Variants in IL1RAPL1 observed in about 807,000 individuals in gnomAD.
IL1RAPL1 encodes the protein interleukin 1 receptor accessory protein like 1, also known as interleukin-1 receptor accessory protein-like 1.
In IL1RAPL1, 3 loss-of-function variants were observed where a neutral mutation model predicts 48.4. The ratio of observed to expected loss-of-function variants is 0.06; its 90% CI spans 0.03 to 0.16. IL1RAPL1 has a LOEUF of 0.16. Ranked by LOEUF, IL1RAPL1 falls within the 10% of genes least tolerant of loss-of-function variation. The pLI, the probability that IL1RAPL1 is intolerant of heterozygous loss-of-function variation, is 1.00. For missense variants in IL1RAPL1, 349 were observed against 530.6 expected, an observed-to-expected ratio of 0.66 and a Z score of 3.36; for synonymous variants, 185 against 187.7, an observed-to-expected ratio of 0.99 and a Z score of 0.12.
At chrX:28,771,595 G>T (rs954135775) in intron 1 of IL1RAPL1, among the ~76,000 whole-genome samples, 1 of 111,830 alleles carries the variant, frequency 8.9e-6, no homozygotes, top group Non-Finnish European at 1.9e-5. Flanking sequence ...AGGAACAAAG[G>T]CAGAGCCTGC....
At chrX:28,743,726 A>G (rs184017818) in intron 1 of IL1RAPL1, among the ~76,000 whole-genome samples, 1 of 87,562 alleles carries the variant, frequency 1.1e-5, no homozygotes, top group Non-Finnish European at 2.4e-5. Flanking sequence ...TGCTGAAACC[A>G]TTCGTTTGCT....
At chrX:29,486,948 G>A (rs938472676) in intron 5 of IL1RAPL1, among the ~76,000 whole-genome samples, 1 of 111,586 alleles carries the variant, frequency 9.0e-6, no homozygotes. Context: ...ACAACAAATT[G>A]TGATTCAGTA....
chrX:29,823,196 T>C (rs1272859697), intron 6 of IL1RAPL1, among the ~76,000 whole-genome samples: 1 of 111,362 alleles, frequency 9.0e-6, no homozygotes, highest in Non-Finnish European at 1.9e-5. Context: ...CCGCAGTGTG[T>C]AAGATGGGTT....
intron 1 of IL1RAPL1, among the ~76,000 whole-genome samples, chrX:28,649,945 G>A (rs1934664027): frequency 9.0e-6 from 1 of 111,637 alleles, no homozygotes; most frequent in East Asian, 2.8e-4. Flanking sequence ...TCTCTGACAT[G>A]GAGTGCCATG....
intron 2 of IL1RAPL1, among the ~76,000 whole-genome samples, chrX:28,811,271 G>T (rs904961099): frequency 5.4e-5 from 6 of 110,719 alleles, no homozygotes; most frequent in Non-Finnish European, 1.9e-5. Context: ...GCATAATACA[G>T]TATGTAATGG....
chrX:29,378,058 T>C (rs1933646205), intron 3 of IL1RAPL1, among the ~76,000 whole-genome samples: 1 of 109,785 alleles, frequency 9.1e-6, no homozygotes, highest in Admixed American at 9.7e-5. Flanking sequence ...TTTTTTTTTT[T>C]CATTTTAAAA....
At chrX:29,517,758 T>C (rs1935461678) in intron 5 of IL1RAPL1, among the ~76,000 whole-genome samples, 1 of 111,981 alleles carries the variant, frequency 8.9e-6, no homozygotes, top group Non-Finnish European at 1.9e-5. Flanking sequence ...CTTCCATTAG[T>C]GCTAATGTGT....
At chrX:29,083,066 C>A (rs1026737048) in intron 2 of IL1RAPL1, among the ~76,000 whole-genome samples, 2 of 111,774 alleles carry the variant, frequency 1.8e-5, no homozygotes, top group African/African-American at 6.5e-5. Context: ...TTTGTGGATG[C>A]TGGTATATAA....
At chrX:29,150,141 A>G (rs1929432361) in intron 2 of IL1RAPL1, among the ~76,000 whole-genome samples, 1 of 112,624 alleles carries the variant, frequency 8.9e-6, no homozygotes, top group African/African-American at 3.2e-5. Context: ...ACAAAGCAGT[A>G]TACCTCAATA....
At chrX:28,999,851 G>C (rs750007612) in intron 2 of IL1RAPL1, among the ~76,000 whole-genome samples, 2 of 111,853 alleles carry the variant, frequency 1.8e-5, no homozygotes, top group Admixed American at 9.6e-5. Flanking sequence ...TATATAGTCA[G>C]TATTCAATGC....
chrX:29,531,554 C>T (rs750016892), intron 5 of IL1RAPL1, among the ~76,000 whole-genome samples: 6 of 111,616 alleles, frequency 5.4e-5, no homozygotes, highest in South Asian at 7.5e-4. Flanking sequence ...TGAATGAAAC[C>T]GAACGCAGAG....
intron 5 of IL1RAPL1, among the ~76,000 whole-genome samples, chrX:29,557,900 T>C (rs1922056459): frequency 9.0e-6 from 1 of 111,191 alleles, no homozygotes; most frequent in South Asian, 3.8e-4. Context: ...TGTGTGCATG[T>C]GTGTGTATAT....
At chrX:29,464,720 A>G (rs972236272) in intron 5 of IL1RAPL1, among the ~76,000 whole-genome samples, 2 of 112,326 alleles carry the variant, frequency 1.8e-5, no homozygotes, top group African/African-American at 3.2e-5. Flanking sequence ...GAAATGTGCT[A>G]CATATATACA....
At chrX:28,910,460 G>C (rs949214120) in intron 2 of IL1RAPL1, among the ~76,000 whole-genome samples, 3 of 110,335 alleles carry the variant, frequency 2.7e-5, no homozygotes, top group African/African-American at 9.8e-5. Context: ...ACTAAAGCAT[G>C]AAGTACAGTG....
chrX:29,919,555 CT>C (rs1252450248), intron 7 of IL1RAPL1, among the ~76,000 whole-genome samples: 2 of 112,380 alleles, frequency 1.8e-5, no homozygotes, highest in African/African-American at 6.5e-5. Flanking sequence ...ATTTTCTTTT[CT>C]TTTTTAAAAA....
intron 2 of IL1RAPL1, among the ~76,000 whole-genome samples, chrX:29,223,855 A>T (rs1332664905): frequency 9.0e-6 from 1 of 110,853 alleles, no homozygotes; most frequent in East Asian, 2.8e-4. Context: ...TTATGTTTTG[A>T]TTATTGCCTT....
chrX:29,918,198 G>GA (rs1233665149), intron 7 of IL1RAPL1, among the ~76,000 whole-genome samples: 10 of 45,318 alleles, frequency 2.2e-4, no homozygotes, highest in African/African-American at 8.2e-4. Flanking sequence ...ATAAAATATA[G>GA]AAAATGTTAG....
At chrX:29,568,278 T>A (rs5971582) in intron 5 of IL1RAPL1, among the ~76,000 whole-genome samples, 3,458 of 81,698 alleles carry the variant, frequency 0.042, 544 homozygotes, top group African/African-American at 0.16. Context: ...TTATTCTTGA[T>A]TTAAAGATCA....
intron 2 of IL1RAPL1, among the ~76,000 whole-genome samples, chrX:29,216,828 T>C (rs2042837706): frequency 9.0e-6 from 1 of 111,461 alleles, no homozygotes; most frequent in Non-Finnish European, 1.9e-5. Flanking sequence ...ATATAGCAAA[T>C]AGCAGGAACA....
Sources: allele counts gnomAD v4.1 joint callset (sites outside exome capture counted in the v4.1 genomes callset), GRCh38; gene constraint gnomAD v4.1.1; transcripts MANE v1.5; gene names NCBI Gene and HGNC (gene_info 2026-07-23, HGNC 2026-07-21).